LRBA: variants seen among roughly 807,000 people sequenced by gnomAD.
LRBA encodes lipopolysaccharide-responsive and beige-like anchor protein.
In LRBA, 176 loss-of-function variants were observed where a neutral mutation model predicts 330.0. The observed-to-expected ratio is 0.53, with a 90% CI of 0.47 to 0.60. The LOEUF is 0.60. LRBA is among the 20% of genes least tolerant of loss of function. The pLI is 0.00. For missense variants in LRBA, 3,259 were observed against 3,444.8 expected (o/e 0.95, Z 1.35); for synonymous variants, 1,230 against 1,193.0 (o/e 1.03, Z -0.64).
chr4:150,856,635 A>G (rs1751258798), intron 22 of LRBA, among the ~76,000 whole-genome samples: 1 of 152,216 alleles, frequency 6.6e-6, no homozygotes, highest in African/African-American at 2.4e-5. Flanking sequence ...AATTTAATTC[A>G]TCCAATGGTC....
chr4:150,724,438 A>G (rs1729383775), intron 36 of LRBA, among the ~76,000 whole-genome samples: 1 of 152,172 alleles, frequency 6.6e-6, no homozygotes, highest in African/African-American at 2.4e-5. Context: ...AAATACCTGG[A>G]AAGCCTTCCC....
intron 34 of LRBA, among the ~76,000 whole-genome samples, chr4:150,793,485 A>C (rs1189190501): frequency 6.6e-6 from 1 of 152,240 alleles, no homozygotes; most frequent in African/African-American, 2.4e-5. Context: ...GAAAAAGACC[A>C]AAAGACAAAG....
intron 46 of LRBA, among the ~76,000 whole-genome samples, chr4:150,419,907 G>C (rs1748394973): frequency 6.6e-6 from 1 of 150,440 alleles, no homozygotes; most frequent in South Asian, 2.1e-4. Context: ...CAAAGTGCTG[G>C]GATTACAGGA....
intron 56 of LRBA, among the ~76,000 whole-genome samples, chr4:150,272,776 A>G (rs1746294189): frequency 6.6e-6 from 1 of 152,056 alleles, no homozygotes; most frequent in Admixed American, 6.5e-5. Flanking sequence ...AATGAAAAGG[A>G]ACAAACAAAG....
intron 33 of LRBA, among the ~76,000 whole-genome samples, chr4:150,803,357 G>A (rs1384405934): frequency 6.6e-6 from 1 of 151,918 alleles, no homozygotes; most frequent in Non-Finnish European, 1.5e-5. Flanking sequence ...ATAAAGGGAA[G>A]TAGAGATATC....
intron 48 of LRBA, among the ~76,000 whole-genome samples, chr4:150,345,359 C>T (rs570446217): frequency 2.4e-4 from 36 of 152,300 alleles, no homozygotes; most frequent in African/African-American, 8.2e-4. Context: ...TTTCTTGCCT[C>T]ACTTAACAAT....
chr4:150,961,501 T>A (rs1372689194), intron 2 of LRBA, among the ~76,000 whole-genome samples: 2 of 149,286 alleles, frequency 1.3e-5, no homozygotes, highest in Middle Eastern at 3.4e-3. Flanking sequence ...TTCAAAAGAT[T>A]TAACAGCTGC....
rs558798466 is a variant in LRBA, at chr4:150,452,473, T to C, written c.6780+15200A>G. On this transcript the variant is annotated intron_variant, in intron 44 of 56. Transcript: ENST00000651943. Reference sequence around the variant, plus strand: ...CCCATCTCTACTAAAAATACAAAAATTAGCCGCGTGCGGTGGTGTGCACCT... The same window carrying C: ...CCCATCTCTACTAAAAATACAAAAACTAGCCGCGTGCGGTGGTGTGCACCT... 2.5e-4 allele frequency among the ~76,000 whole-genome samples: 38 copies of C among 151,934 alleles called. 1 individual carries two copies. In the South Asian group the frequency reaches 7.9e-3, roughly 32 times the overall value.
In LRBA at chr4:150,804,608, C is replaced by T. The variant is rs373778619; in HGVS notation, c.5518+1663G>A. On this transcript the variant is annotated intron_variant, in intron 33 of 56. Coordinates refer to ENST00000651943, the MANE Select transcript of LRBA (RefSeq NM_001364905.1). ...AAAAGATTACAATAACTAAAGCTGC[C>T]AGTTGATACTTAAAGACACTGGAAT... Among the ~76,000 whole-genome samples the T allele has an allele frequency of 5.0e-4, 76 of 152,228 alleles. 1 individual carries two copies. The South Asian group carries it at 6.6e-3, about 13-fold the overall frequency.
chr4:151,010,137 C>G (rs1442709452), intron 2 of LRBA, among the ~76,000 whole-genome samples: 1 of 152,008 alleles, frequency 6.6e-6, no homozygotes, highest in Non-Finnish European at 1.5e-5. Context: ...GGTTCTGGAA[C>G]CAATCCCCCA....
At chr4:150,546,194 A>G (rs1293204044) in intron 40 of LRBA, among the ~76,000 whole-genome samples, 1 of 152,228 alleles carries the variant, frequency 6.6e-6, no homozygotes, top group East Asian at 1.9e-4. Context: ...TTCTTTAGCA[A>G]TATTAACATG....
In LRBA at chr4:150,828,588, GTAGT is replaced by G. The variant is rs747652653; in HGVS notation, c.4759_4762del (p.Thr1587ArgfsTer28). 6 of 1,613,884 alleles carry G rather than the reference GTAGT, an allele frequency of 3.7e-6. No homozygotes were observed. The highest frequency in any genetic ancestry group is 5.1e-6 in the Non-Finnish European group (6 of 1,179,926). On this transcript the variant is annotated frameshift_variant, in exon 30 of 57. Transcript: ENST00000651943. LOFTEE classifies it high-confidence loss of function. Reference sequence around the variant, plus strand: ...GCTTTCAGATTCTTCCACTGATGCCGTAGTTAAAGTGCTGAATGCTGCTGGTGTG... The same window carrying G: ...GCTTTCAGATTCTTCCACTGATGCCGTAAAGTGCTGAATGCTGCTGGTGTG...
At chr4:150,322,176 C>A (rs758071576) in intron 49 of LRBA, among the ~76,000 whole-genome samples, 16 of 151,962 alleles carry the variant, frequency 1.1e-4, no homozygotes. Flanking sequence ...TTTTTGATTT[C>A]TCCTTCAAAA....
intron 4 of LRBA, among the ~76,000 whole-genome samples, chr4:150,925,452 T>C (rs1328023340): frequency 2.0e-5 from 3 of 152,228 alleles, no homozygotes; most frequent in African/African-American, 7.2e-5. Context: ...AATCACTGGA[T>C]ACAGGTAAAA....
At chr4:150,681,092 CTTAAT>C (rs1172522674) in intron 37 of LRBA, among the ~76,000 whole-genome samples, 1 of 152,168 alleles carries the variant, frequency 6.6e-6, no homozygotes, top group Non-Finnish European at 1.5e-5. Context: ...AGAAATTATA[CTTAAT>C]TTAATCCTCT....
At chr4:150,496,123 T>C (rs1381513292) in intron 40 of LRBA, among the ~76,000 whole-genome samples, 1 of 152,180 alleles carries the variant, frequency 6.6e-6, no homozygotes. Context: ...AAAAGTTTTA[T>C]TTAAAAACTG....
intron 47 of LRBA, among the ~76,000 whole-genome samples, chr4:150,366,720 A>G (rs1380176919): frequency 6.6e-6 from 1 of 152,344 alleles, no homozygotes; most frequent in Non-Finnish European, 1.5e-5. Flanking sequence ...GCAGCTAGCC[A>G]TAAGAGGAGG....
chr4:151,007,241 C>A (rs1360295213), intron 2 of LRBA, among the ~76,000 whole-genome samples: 2 of 152,186 alleles, frequency 1.3e-5, no homozygotes, highest in Non-Finnish European at 2.9e-5. Context: ...GTGGCTCACG[C>A]CTGTAATCCC....
intron 40 of LRBA, among the ~76,000 whole-genome samples, chr4:150,510,547 T>C (rs1761708933): frequency 6.6e-6 from 1 of 152,198 alleles, no homozygotes; most frequent in East Asian, 1.9e-4. Context: ...CTTCACAAAT[T>C]GTCACTCAAT....
Sources: gnomAD v4.1 joint callset for allele counts (sites outside exome capture counted in the v4.1 genomes callset) on GRCh38, gnomAD v4.1.1 for gene constraint, MANE v1.5 for transcripts, NCBI Gene and HGNC (gene_info 2026-07-23, HGNC 2026-07-21) for gene names.